Variants in IL6R observed in about 807,000 individuals in gnomAD.
IL6R encodes the protein interleukin 6 receptor.
A neutral mutation model predicts 48.3 loss-of-function variants in IL6R; 38 were observed. That is an observed-to-expected ratio of 0.79 (90% confidence interval 0.61 to 1.03). The LOEUF is 1.03. IL6R is among the 50% of genes least tolerant of loss of function. The probability of loss-of-function intolerance (pLI) is 0.00; values close to 1 mark genes in which losing one functional copy is unlikely to be tolerated. For missense variants in IL6R, 534 were observed against 618.3 expected (o/e 0.86, Z 1.45); for synonymous variants, 264 against 256.2 (o/e 1.03, Z -0.29).
At chr1:154,442,882 C>T (rs912116463) in intron 6 of IL6R, among the ~76,000 whole-genome samples, 13 of 151,970 alleles carry the variant, frequency 8.6e-5, no homozygotes, top group African/African-American at 3.1e-4. Context: ...GAACTCCTGC[C>T]TCAGCCTCTG....
chr1:154,457,967 C>CTTTTTTTTTTTT (rs1307922193), intron 9 of IL6R, among the ~76,000 whole-genome samples: 3 of 91,696 alleles, frequency 3.3e-5, no homozygotes, highest in African/African-American at 6.3e-5. Flanking sequence ...TTTTCTTTTT[C>CTTTTTTTTTTTT]TTTTTTTTTT....
intron 6 of IL6R, among the ~76,000 whole-genome samples, chr1:154,442,991 G>C (rs1301739013): frequency 6.6e-6 from 1 of 152,088 alleles, no homozygotes; most frequent in Admixed American, 6.6e-5. Flanking sequence ...GGCCTTGAGT[G>C]ATCCTCCTGC....
rs181841974 is a variant in IL6R, at chr1:154,436,771, G to A, written c.949+661G>A. 7.2e-4 allele frequency among the ~76,000 whole-genome samples: 109 copies of A among 152,344 alleles called. 1 individual carries two copies. Among genetic ancestry groups the A allele is most frequent in the African/African-American group, 1.1e-3 (45 of 41,580 alleles). ...GGGATGCACTGCAGAGAAGTTAGCC[G>A]TATTTAATCTAGGGCTTTTTATTTT... On this transcript the variant is annotated intron_variant, in intron 6 of 9. Coordinates refer to ENST00000368485, the MANE Select transcript of IL6R (RefSeq NM_000565.4).
intron 3 of IL6R, among the ~76,000 whole-genome samples, chr1:154,432,744 T>C (rs1298247225): frequency 6.6e-6 from 1 of 152,188 alleles, no homozygotes; most frequent in Non-Finnish European, 1.5e-5. Context: ...TTTGCTTCCA[T>C]CTGCTTTGAA....
chr1:154,405,706 C>T lies in IL6R; in HGVS notation c.77C>T (p.Pro26Leu), dbSNP rs1392150709. The part of the protein sequence containing the change: ...PGAALAPRRC[P>L]AQEVARGVLT... ...GCGGCGCTGGCCCCAAGGCGCTGCC[C>T]TGCGCAGGGTAAGGGCTTCGGGCGC... The change falls in exon 1 of 10, where the codon CCT becomes CTT. Residue 26 changes from proline to leucine, a missense_variant. Transcript: ENST00000368485. The surrounding 1 kb of genome is among the most constrained non-coding windows in gnomAD (Gnocchi z 5.2). 6 of 1,517,468 alleles carry T rather than the reference C, an allele frequency of 4.0e-6. No individual in the cohort carries two copies. Among genetic ancestry groups the T allele is most frequent in the Middle Eastern group, 4.2e-4 (2 of 4,706 alleles). The allele number at this position is 1,517,468 out of a possible 1,614,324, so 94.0% of individuals were successfully genotyped here. A position where few individuals can be genotyped will look rare whatever the true frequency, so the allele number is the denominator to read the frequency against.
intron 9 of IL6R, among the ~76,000 whole-genome samples, chr1:154,458,155 A>G (rs1691025040): frequency 6.6e-6 from 1 of 151,482 alleles, no homozygotes; most frequent in Non-Finnish European, 1.5e-5. Flanking sequence ...TTTTTTTAGT[A>G]GAGACGGGGT....
At chr1:154,452,192 A>G (rs1690621601) in intron 8 of IL6R, among the ~76,000 whole-genome samples, 2 of 152,158 alleles carry the variant, frequency 1.3e-5, no homozygotes, top group South Asian at 4.1e-4. Context: ...CACTTAGAGT[A>G]TCCCTTAAAA....
chr1:154,426,997 C>A (rs941282655), intron 1 of IL6R, among the ~76,000 whole-genome samples: 2 of 151,642 alleles, frequency 1.3e-5, no homozygotes, highest in Non-Finnish European at 2.9e-5. Flanking sequence ...CGGCTCACTG[C>A]AAGCTCCGCC....
intron 6 of IL6R, among the ~76,000 whole-genome samples, chr1:154,441,507 C>T (rs1034082077): frequency 6.6e-6 from 1 of 152,160 alleles, no homozygotes; most frequent in African/African-American, 2.4e-5. Context: ...AGAAAGAAAC[C>T]TGCTGCTCCC....
chr1:154,411,297 A>G (rs962003982), intron 1 of IL6R, among the ~76,000 whole-genome samples: 32 of 152,092 alleles, frequency 2.1e-4, no homozygotes, highest in African/African-American at 7.7e-4. Context: ...ACCTCAAGTG[A>G]TCTGCCTGCC....
Position 154,465,280 on chromosome 1 carries a change from G to C in IL6R, c.1307G>C (p.Ser436Thr). Residue 436 changes from serine to threonine, a missense_variant, in exon 10 of 10, where the codon AGC (serine) becomes ACC (threonine). Transcript: ENST00000368485. ...ATCTCCCCACCGGTGTCCCCCAGCAGCCTGGGGTCTGACAATACCTCGAGC... is the reference window on the plus strand; with the variant it reads ...ATCTCCCCACCGGTGTCCCCCAGCACCCTGGGGTCTGACAATACCTCGAGC... ...PLISPPVSPS[S>T]LGSDNTSSHN... 1 of 1,614,184 alleles carries C rather than the reference G, an allele frequency of 6.2e-7. No homozygotes were observed. The highest frequency in any genetic ancestry group is 8.5e-7 in the Non-Finnish European group (1 of 1,180,034).
chr1:154,465,134 G>A lies in IL6R; in HGVS notation c.1161G>A (p.Arg387=). The change falls in exon 10 of 10, where the codon AGG becomes AGA. Residue 387 remains arginine, a splice_region_variant and synonymous_variant. Coordinates refer to ENST00000368485, the MANE Select transcript of IL6R (RefSeq NM_000565.4). ...TTTGTCTTTGTGTGTTTGTGTGAAG[G>A]TTCAAGAAGACGTGGAAGCTGCGGG... ...GTLLCIAIVL[R]FKKTWKLRAL... The A allele has an allele frequency of 6.2e-7, 1 of 1,614,186 alleles. No homozygotes were observed. The highest frequency in any genetic ancestry group is 1.1e-5 in the South Asian group (1 of 91,090).
chr1:154,447,490 C>T (rs1378422261), intron 6 of IL6R, among the ~76,000 whole-genome samples: 2 of 72,080 alleles, frequency 2.8e-5, no homozygotes, highest in African/African-American at 9.7e-5. Context: ...CACACACACA[C>T]ACACACACAC....
At chr1:154,444,706 G>T (rs145288537) in intron 6 of IL6R, among the ~76,000 whole-genome samples, 2 of 151,904 alleles carry the variant, frequency 1.3e-5, no homozygotes, top group African/African-American at 4.8e-5. Context: ...GAGACCAGCC[G>T]GGCACCATAA....
At chr1:154,420,238 G>A (rs1330297620) in intron 1 of IL6R, among the ~76,000 whole-genome samples, 1 of 152,150 alleles carries the variant, frequency 6.6e-6, no homozygotes, top group African/African-American at 2.4e-5. Context: ...TTTTCAAGCT[G>A]AGTATTGTTT....
chr1:154,405,521 GCCCGCCTGCCCGCCCACCGCCCCGC>G lies in IL6R; in HGVS notation c.-102_-78del. On this transcript the variant is annotated 5_prime_UTR_variant, in exon 1 of 10. Coordinates refer to ENST00000368485, the MANE Select transcript of IL6R (RefSeq NM_000565.4). This position sits in a 1 kb window ranked among gnomAD's most constrained non-coding sequence, Gnocchi z 5.2. ...GATGGGGGCTGCCCCCGGGGCCTGA[GCCCGCCTGCCCGCCCACCGCCCCGC>G]CCCGCCCCTGCCACCCCTGCCGCCC... 2.0e-6 allele frequency: 1 copy of G among 500,494 alleles called. No individual in the cohort carries two copies. The highest frequency in any genetic ancestry group is 3.5e-6 in the Non-Finnish European group (1 of 287,228). 31.0% of individuals were successfully genotyped at this position (500,494 alleles called of 1,614,324 possible).
chr1:154,464,774 C>T (rs1691459855), intron 9 of IL6R, among the ~76,000 whole-genome samples: 1 of 151,946 alleles, frequency 6.6e-6, no homozygotes, highest in Non-Finnish European at 1.5e-5. Flanking sequence ...GCCTGAGCAA[C>T]ATGGCAAAAC....
chr1:154,411,070 G>A (rs917295916), intron 1 of IL6R, among the ~76,000 whole-genome samples: 3 of 152,098 alleles, frequency 2.0e-5, no homozygotes, highest in African/African-American at 7.2e-5. Context: ...TTTTGTTTTC[G>A]TTTTTGTTTT....
At chr1:154,413,001 T>TC (rs1168033215) in intron 1 of IL6R, among the ~76,000 whole-genome samples, 69 of 150,880 alleles carry the variant, frequency 4.6e-4, no homozygotes, top group Middle Eastern at 3.4e-3. Context: ...TTTATCTGGT[T>TC]CCCCCCCTTT....
Sources: allele counts gnomAD v4.1 joint callset (sites outside exome capture counted in the v4.1 genomes callset), GRCh38; gene constraint gnomAD v4.1.1; non-coding constraint Gnocchi (gnomAD v3.1); transcripts MANE v1.5; gene names NCBI Gene and HGNC (gene_info 2026-07-23, HGNC 2026-07-21).